POLD1: variants seen among roughly 807,000 people sequenced by gnomAD.
POLD1 encodes DNA polymerase delta 1, catalytic subunit.
In POLD1, 79 loss-of-function variants were observed where a neutral mutation model predicts 129.7. That is an observed-to-expected ratio of 0.61 (90% confidence interval 0.51 to 0.73). The LOEUF (loss-of-function observed/expected upper bound fraction) is 0.73. POLD1 is among the 30% of genes least tolerant of loss of function. POLD1 has a pLI of 0.00. For missense variants in POLD1, 1,338 were observed against 1,595.8 expected, an observed-to-expected ratio of 0.84 and a Z score of 2.75; for synonymous variants, 714 against 683.3, an observed-to-expected ratio of 1.04 and a Z score of -0.70.
chr19:50,417,688 CCCG>C (rs2039378439), intron 26 of POLD1, among the ~76,000 whole-genome samples, 151 bp from the exon 27 acceptor site: 2 of 141,074 alleles, frequency 1.4e-5, no homozygotes, highest in African/African-American at 5.9e-5. Context: ...CCCCACCCCC[CCCG>C]TGCCTGCTGA....
In POLD1 at chr19:50,414,859, C is replaced by T. The variant is rs1051057675; in HGVS notation, c.2433C>T (p.Gly811=). ...YLLISKKRYA[G]LLFSSRPDAH... Reference sequence around the variant, plus strand: ...TTATCAGCAAGAAGCGCTACGCGGGCCTGCTCTTCTCCTCCCGGCCCGACG... The same window carrying T: ...TTATCAGCAAGAAGCGCTACGCGGGTCTGCTCTTCTCCTCCCGGCCCGACG... The change falls in exon 20 of 27, where the codon GGC becomes GGT. Residue 811 remains glycine, a synonymous_variant. Transcript: ENST00000440232. 4 of 1,603,504 alleles carry T rather than the reference C, an allele frequency of 2.5e-6. No individual in the cohort carries two copies. In the African/African-American group the frequency reaches 5.4e-5, roughly 21 times the overall value.
chr19:50,408,407 A>C (rs1199590223), intron 14 of POLD1, among the ~76,000 whole-genome samples: 1 of 151,772 alleles, frequency 6.6e-6, no homozygotes, highest in Non-Finnish European at 1.5e-5. Context: ...TCTTTTTTTG[A>C]CACAGGGTCT....
At position 50,402,603 on chromosome 19, in the gene POLD1, T is replaced by G; in HGVS notation, c.841-9T>G. 6.4e-7 allele frequency: 1 copy of G among 1,572,116 alleles called. No individual in the cohort carries two copies. The highest frequency in any genetic ancestry group is 8.6e-7 in the Non-Finnish European group (1 of 1,158,728). The stretch of plus-strand genomic sequence containing the variant: ...CCTGCTGCCACCGCTGACCCACCCA[T>G]GCCCACAGGCTACGCAGTGCCAGCT... On this transcript the variant is annotated splice_polypyrimidine_tract_variant and intron_variant, in intron 7 of 26. Coordinates refer to ENST00000440232, the MANE Select transcript of POLD1 (RefSeq NM_002691.4).
At chr19:50,407,703 C>T (rs965043869) in intron 14 of POLD1, among the ~76,000 whole-genome samples, 1 of 149,804 alleles carries the variant, frequency 6.7e-6, no homozygotes, top group African/African-American at 2.5e-5. Flanking sequence ...GGACTACAGG[C>T]GCCCACCACC....
At chr19:50,417,676 C>T (rs942275801) in intron 26 of POLD1, among the ~76,000 whole-genome samples, 166 bp from the exon 27 acceptor site, 1 of 117,836 alleles carries the variant, frequency 8.5e-6, no homozygotes, top group Non-Finnish European at 1.7e-5. Flanking sequence ...TCGGCTCCCC[C>T]CCCCCACCCC....
intron 24 of POLD1, 43 bp downstream of exon 24, chr19:50,416,766 G>GCTCTGC: frequency 7.1e-7 from 1 of 1,400,092 alleles, no homozygotes. Context: ...CCCTCAACCT[G>GCTCTGC]CTCTGCCGTC....
rs748117607 is a variant in POLD1, at chr19:50,406,374, G to T, written c.1384-33G>T. 2.4e-5 allele frequency: 38 copies of T among 1,610,286 alleles called. No individual in the cohort carries two copies. Among genetic ancestry groups the T allele is most frequent in the Non-Finnish European group, 3.1e-5 (37 of 1,178,180 alleles). On this transcript the variant is annotated intron_variant, in intron 11 of 26. Transcript: ENST00000440232. This position sits in a 1 kb window ranked among gnomAD's most constrained non-coding sequence, Gnocchi z 5.5. ...CTGTCCTTGGAAGGCCACTGCCCAG[G>T]CCCGCAGCCCACCAGCCCACCCACC...
At chr19:50,386,151 G>A (rs1475607794) in intron 1 of POLD1, among the ~76,000 whole-genome samples, 1 of 148,856 alleles carries the variant, frequency 6.7e-6, no homozygotes, top group Non-Finnish European at 1.5e-5. Context: ...TTTTTTTTTT[G>A]GTTTTTGAGA....
chr19:50,400,317 T>C lies in POLD1; in HGVS notation c.316+833T>C, dbSNP rs2038547256. Among the ~76,000 whole-genome samples, 4 of 139,098 alleles carry C rather than the reference T, an allele frequency of 2.9e-5. No individual in the cohort carries two copies. The Admixed American group carries it at 3.0e-4, about 10-fold the overall frequency. The allele number at this position is 139,098 out of a possible 152,430, so 91.3% of individuals were successfully genotyped here. A position where few individuals can be genotyped will look rare whatever the true frequency, so the allele number is the denominator to read the frequency against. Reference sequence around the variant, plus strand: ...CTCACTATAACCTCCGCCTCCTGGGTTCAAGTGATCCTTCTTCCTCAGCCT... The same window carrying C: ...CTCACTATAACCTCCGCCTCCTGGGCTCAAGTGATCCTTCTTCCTCAGCCT... On this transcript the variant is annotated intron_variant, in intron 3 of 26. Coordinates refer to ENST00000440232, the MANE Select transcript of POLD1 (RefSeq NM_002691.4).
rs3219407 is a variant in POLD1, at chr19:50,409,349, G to A, written c.2006+114G>A. 1,155 of 1,221,502 alleles carry A rather than the reference G, an allele frequency of 9.5e-4. 19 individuals carry two copies. In the South Asian group the frequency reaches 0.014, roughly 15 times the overall value. 75.7% of individuals were successfully genotyped at this position (1,221,502 alleles called of 1,614,324 possible). A position where few individuals can be genotyped will look rare whatever the true frequency, so the allele number is the denominator to read the frequency against. On this transcript the variant is annotated intron_variant, in intron 16 of 26. Transcript: ENST00000440232. The surrounding 1 kb of genome is among the most constrained non-coding windows in gnomAD (Gnocchi z 5.8). The stretch of plus-strand genomic sequence containing the variant: ...CCAGCCACCCTGCCCTCAGCTGTGC[G>A]TGAATTAGCACAAGGCATCCCCTCC...
At position 50,406,067 on chromosome 19, in the gene POLD1, GCTCTCGAC is replaced by G; in HGVS notation, c.1243-113_1243-106del. The stretch of plus-strand genomic sequence containing the variant: ...AGACCGTCTTTCTGCCCCCAGGGTT[GCTCTCGAC>G]CCCCTAGGGTTGTTATAAGGATGTT... On this transcript the variant is annotated intron_variant, in intron 10 of 26. Transcript: ENST00000440232. This position sits in a 1 kb window ranked among gnomAD's most constrained non-coding sequence, Gnocchi z 5.5. 1.6e-6 allele frequency: 2 copies of G among 1,258,766 alleles called. No homozygotes were observed. The highest frequency in any genetic ancestry group is 4.7e-5 in the East Asian group (2 of 42,732). The allele number at this position is 1,258,766 out of a possible 1,614,324, so 78.0% of individuals were successfully genotyped here.
At chr19:50,392,602 C>G (rs1290180512) in intron 1 of POLD1, among the ~76,000 whole-genome samples, 3 of 152,142 alleles carry the variant, frequency 2.0e-5, no homozygotes, top group Admixed American at 6.5e-5. Flanking sequence ...CTCAGCCTCC[C>G]AAGTAGCTGG....
At position 50,409,194 on chromosome 19, in the gene POLD1, G is replaced by A. The variant is rs376803964; in HGVS notation, c.1965G>A (p.Leu655=). The change falls in exon 16 of 27, where the codon CTG becomes CTA. Residue 655 remains leucine (L), a synonymous_variant. Coordinates refer to ENST00000440232, the MANE Select transcript of POLD1 (RefSeq NM_002691.4). The surrounding 1 kb of genome is among the most constrained non-coding windows in gnomAD (Gnocchi z 5.8). ...EFVKTSVRKG[L]LPQILENLLS... ...TGAAGACCTCAGTGCGGAAGGGGCT[G>A]CTGCCCCAGATCCTGGAGAACCTGC... The A allele has an allele frequency of 6.2e-7, 1 of 1,613,480 alleles. No individual in the cohort carries two copies. Among genetic ancestry groups the A allele is most frequent in the Non-Finnish European group, 8.5e-7 (1 of 1,179,530 alleles).
chr19:50,413,645 T>C, intron 18 of POLD1, 97 bp from the exon 19 acceptor site: 1 of 1,536,920 alleles, frequency 6.5e-7, no homozygotes, highest in Non-Finnish European at 8.8e-7. Flanking sequence ...GTTGCATCCT[T>C]GGGTCCCGTT....
chr19:50,415,626 C>T (rs1489428535), intron 21 of POLD1, 36 bp downstream of exon 21: 3 of 1,598,402 alleles, frequency 1.9e-6, no homozygotes, highest in South Asian at 2.2e-5. Context: ...CCAGAAATAA[C>T]CCCCTCCTTC....
At chr19:50,412,184 G>T (rs2039109441) in intron 17 of POLD1, among the ~76,000 whole-genome samples, 1 of 152,206 alleles carries the variant, frequency 6.6e-6, no homozygotes. Flanking sequence ...ATGGAGTCTT[G>T]CTCTGTCACC....
intron 18 of POLD1, 45 bp downstream of exon 18, chr19:50,413,566 TG>T: frequency 2.6e-6 from 4 of 1,562,166 alleles, no homozygotes; most frequent in Non-Finnish European, 3.5e-6. Context: ...CCAGGGCAGG[TG>T]GGGGGATGGA....
intron 1 of POLD1, among the ~76,000 whole-genome samples, chr19:50,385,887 CT>C (rs1253295661): frequency 6.6e-6 from 1 of 151,902 alleles, no homozygotes; most frequent in Non-Finnish European, 1.5e-5. Context: ...AGAGAGGTTC[CT>C]TCCCTCCCCC....
At chr19:50,417,145 G>T (rs760961826) in intron 25 of POLD1, 27 bp from the exon 26 acceptor site, 4 of 1,574,082 alleles carry the variant, frequency 2.5e-6, no homozygotes, top group Admixed American at 3.7e-5. Flanking sequence ...AGGCGGGGGC[G>T]CCCTGCTCAG....
Sources: allele counts gnomAD v4.1 joint callset (sites outside exome capture counted in the v4.1 genomes callset), GRCh38; gene constraint gnomAD v4.1.1; non-coding constraint Gnocchi (gnomAD v3.1); transcripts MANE v1.5; gene names NCBI Gene and HGNC (gene_info 2026-07-23, HGNC 2026-07-21).